Variants in NWD2 observed in about 807,000 individuals in gnomAD.
The protein encoded by NWD2 is NACHT and WD repeat domain-containing protein 2.
A neutral mutation model predicts 132.7 loss-of-function variants in NWD2; 37 were observed. The ratio of observed to expected loss-of-function variants is 0.28; its 90% CI spans 0.21 to 0.37. The LOEUF (loss-of-function observed/expected upper bound fraction) is 0.37, where lower values mean the gene tolerates loss of function less well. Among genes scored for constraint, NWD2 ranks in the 10% least tolerant of loss-of-function variants. The pLI is 1.00. For synonymous variants in NWD2, 705 were observed against 803.0 expected, an observed-to-expected ratio of 0.88 and a Z score of 2.06; for missense variants, 1,592 against 2,122.4, an observed-to-expected ratio of 0.75 and a Z score of 4.91.
chr4:37,414,186 T>C (rs1329371458), intron 3 of NWD2, among the ~76,000 whole-genome samples: 1 of 152,182 alleles, frequency 6.6e-6, no homozygotes, highest in African/African-American at 2.4e-5. Context: ...TAGGATTACA[T>C]TAAAACTTTT....
chr4:37,355,395 C>G (rs1313374818), intron 2 of NWD2, among the ~76,000 whole-genome samples: 1 of 152,116 alleles, frequency 6.6e-6, no homozygotes, highest in Non-Finnish European at 1.5e-5. Context: ...CTGGAACAAG[C>G]CAGATCTGTG....
At chr4:37,361,920 A>C (rs1034847092) in intron 3 of NWD2, among the ~76,000 whole-genome samples, 4 of 152,194 alleles carry the variant, frequency 2.6e-5, no homozygotes, top group Non-Finnish European at 5.9e-5. Flanking sequence ...ATACCTAGGA[A>C]ATCATAAAGA....
Position 37,264,026 on chromosome 4 carries a change from G to C in NWD2, c.151+18808G>C, listed in dbSNP as rs557828806. ...CCTGTTAAGTTAGAGATTTCTGAGA[G>C]GGACAACAAGGTAGTTAGTAGCTGC... On this transcript the variant is annotated intron_variant, in intron 1 of 6. Transcript: ENST00000309447. 3.3e-5 allele frequency among the ~76,000 whole-genome samples: 5 copies of C among 152,230 alleles called. No individual in the cohort carries two copies. In the East Asian group the frequency reaches 9.7e-4, roughly 30 times the overall value.
At chr4:37,299,980 G>GTGCTA (rs918607444) in intron 1 of NWD2, among the ~76,000 whole-genome samples, 1 of 152,048 alleles carries the variant, frequency 6.6e-6, no homozygotes, top group Non-Finnish European at 1.5e-5. Flanking sequence ...GTAACAAACT[G>GTGCTA]TGCTACTTCC....
chr4:37,385,858 C>T (rs1024031141), intron 3 of NWD2, among the ~76,000 whole-genome samples: 1 of 152,130 alleles, frequency 6.6e-6, no homozygotes, highest in African/African-American at 2.4e-5. Context: ...TCAGCACATG[C>T]CAGGAATTCT....
Position 37,245,055 on chromosome 4 carries a change from C to A in NWD2, c.-13C>A. ...GTGGCGGCGGCGGCAGTGGCTGTTC[C>A]TCCCAGAGGGCGATGTGGCCGGCCG... is the stretch of plus-strand genomic sequence containing the variant. On this transcript the variant is annotated 5_prime_UTR_variant, in exon 1 of 7. Transcript: ENST00000309447. 1.3e-6 allele frequency: 2 copies of A among 1,544,074 alleles called. No individual in the cohort carries two copies. Among genetic ancestry groups the A allele is most frequent in the South Asian group, 1.2e-5 (1 of 83,896 alleles).
chr4:37,315,134 G>A (rs1718932831), intron 1 of NWD2, among the ~76,000 whole-genome samples: 1 of 152,068 alleles, frequency 6.6e-6, no homozygotes, highest in African/African-American at 2.4e-5. Context: ...TAATTTTGTT[G>A]TAGTTGGAGA....
intron 5 of NWD2, among the ~76,000 whole-genome samples, chr4:37,437,441 T>C (rs758626648): frequency 2.6e-5 from 4 of 152,180 alleles, no homozygotes; most frequent in African/African-American, 4.8e-5. Context: ...ACTATCACAC[T>C]GAAACCTAAT....
intron 1 of NWD2, among the ~76,000 whole-genome samples, chr4:37,311,223 T>C (rs1718834527): frequency 6.6e-6 from 1 of 152,226 alleles, no homozygotes; most frequent in African/African-American, 2.4e-5. Flanking sequence ...ACTTCCATAC[T>C]GGTTGAACTA....
chr4:37,439,444 A>G lies in NWD2; in HGVS notation c.1296+54A>G. 2.6e-6 allele frequency: 3 copies of G among 1,174,802 alleles called. No individual in the cohort carries two copies. The highest frequency in any genetic ancestry group is 1.2e-6 in the Non-Finnish European group (1 of 864,216). 72.8% of individuals were successfully genotyped at this position (1,174,802 alleles called of 1,614,324 possible). A position where few individuals can be genotyped will look rare whatever the true frequency, so the allele number is the denominator to read the frequency against. On this transcript the variant is annotated intron_variant, in intron 6 of 6. Coordinates refer to ENST00000309447, the MANE Select transcript of NWD2 (RefSeq NM_001144990.2). This position sits in a 1 kb window ranked among gnomAD's most constrained non-coding sequence, Gnocchi z 4.5. ...TTGTAAAAACTTGTACTTTTGGAAA[A>G]TGGTAAATTAATCAAATTCATTTCT...
intron 3 of NWD2, among the ~76,000 whole-genome samples, chr4:37,391,144 G>T (rs1720672727): frequency 6.6e-6 from 1 of 152,110 alleles, no homozygotes; most frequent in African/African-American, 2.4e-5. Flanking sequence ...TGTGTTTGTG[G>T]GTTGGTGATT....
rs201561389 is a variant in NWD2 at position 37,414,129 on chromosome 4, GA to G, written c.358-16435del. Among the ~76,000 whole-genome samples, 563 of 151,274 alleles carry G rather than the reference GA, an allele frequency of 3.7e-3. 2 individuals carry two copies. Among genetic ancestry groups the G allele is most frequent in the African/African-American group, 0.012 (490 of 41,316 alleles). ...AGAACATAAAGTATAATAAAAAAAA[GA>G]AAAAAAAGAAATTATCCTTAATTCT... is the stretch of plus-strand genomic sequence containing the variant. On this transcript the variant is annotated intron_variant, in intron 3 of 6. Coordinates refer to ENST00000309447, the MANE Select transcript of NWD2 (RefSeq NM_001144990.2).
At chr4:37,438,382 A>G (rs1416197378) in intron 5 of NWD2, among the ~76,000 whole-genome samples, 1 of 152,236 alleles carries the variant, frequency 6.6e-6, no homozygotes, top group Non-Finnish European at 1.5e-5. Context: ...GACTGACAAG[A>G]AACGGTTAAC....
rs1416863079 is a variant in NWD2 at position 37,313,972 on chromosome 4, A to T, written c.152-11964A>T. On this transcript the variant is annotated intron_variant, in intron 1 of 6. Transcript: ENST00000309447. ...CGGCCTCCCAAAGTACTGAGATTAC[A>T]GGCGTGAGCCACTGCGCCTGGCCAT... Among the ~76,000 whole-genome samples, 10 of 146,406 alleles carry T rather than the reference A, an allele frequency of 6.8e-5. 1 individual carries two copies. Among genetic ancestry groups the T allele is most frequent in the African/African-American group, 2.8e-4 (10 of 35,926 alleles).
chr4:37,378,956 A>G (rs6531532), intron 3 of NWD2, among the ~76,000 whole-genome samples: 149,284 of 152,344 alleles, frequency 0.98, 73,210 homozygotes, highest in East Asian at 1. Flanking sequence ...CATTTGTGTT[A>G]AGGTTATAAA....
At chr4:37,262,201 C>G (rs1196589185) in intron 1 of NWD2, among the ~76,000 whole-genome samples, 3 of 152,164 alleles carry the variant, frequency 2.0e-5, no homozygotes, top group Non-Finnish European at 2.9e-5. Flanking sequence ...AGCATGTTAT[C>G]TCATTGTAAT....
chr4:37,432,873 T>C (rs950679467), intron 4 of NWD2, among the ~76,000 whole-genome samples: 1 of 152,168 alleles, frequency 6.6e-6, no homozygotes, highest in Non-Finnish European at 1.5e-5. Flanking sequence ...GGTGGACCTG[T>C]TCATTGAGTA....
intron 1 of NWD2, among the ~76,000 whole-genome samples, chr4:37,308,573 C>T (rs1314743274): frequency 6.6e-6 from 1 of 152,160 alleles, no homozygotes; most frequent in African/African-American, 2.4e-5. Context: ...GGAGCATGCA[C>T]AGGCACATAG....
At chr4:37,395,526 G>A (rs1313733706) in intron 3 of NWD2, among the ~76,000 whole-genome samples, 1 of 125,424 alleles carries the variant, frequency 8.0e-6, no homozygotes, top group Admixed American at 1.0e-4. Flanking sequence ...AGAGGTCGCA[G>A]TGAGCCGAGA....
Sources: gnomAD v4.1 joint callset for allele counts (sites outside exome capture counted in the v4.1 genomes callset) on GRCh38, gnomAD v4.1.1 for gene constraint, Gnocchi (gnomAD v3.1) non-coding constraint, MANE v1.5 for transcripts, NCBI Gene and HGNC (gene_info 2026-07-23, HGNC 2026-07-21) for gene names.